The following CCDC60 variants were observed in gnomAD, a reference collection of about 807,000 sequenced individuals.
The protein encoded by CCDC60 is coiled-coil domain-containing protein 60.
CCDC60 carries 54 observed loss-of-function variants against 63.5 expected under a neutral mutation model. The observed-to-expected ratio is 0.85, with a 90% confidence interval of 0.68 to 1.07. The LOEUF (loss-of-function observed/expected upper bound fraction) is 1.07. Among genes scored for constraint, CCDC60 ranks in the 50% least tolerant of loss-of-function variants. CCDC60 has a pLI of 0.00. For missense variants in CCDC60, 651 were observed against 684.3 expected (o/e 0.95, Z 0.54); for synonymous variants, 206 against 238.8 (o/e 0.86, Z 1.27).
At chr12:119,507,610 A>ATTTTTTTTT (rs1352840585) in intron 7 of CCDC60, among the ~76,000 whole-genome samples, 1 of 34,734 alleles carries the variant, frequency 2.9e-5, no homozygotes, top group African/African-American at 1.0e-4. Context: ...ATATATATAT[A>ATTTTTTTTT]TATATTTTTT....
intron 4 of CCDC60, chr12:119,479,441 C>T (rs966689433): frequency 2.2e-5 from 11 of 489,980 alleles, no homozygotes; most frequent in Non-Finnish European, 3.7e-5. Flanking sequence ...AAGCCAGACG[C>T]TCTAATGTCA....
At chr12:119,382,494 G>A (rs778669734) in intron 1 of CCDC60, among the ~76,000 whole-genome samples, 13 of 152,316 alleles carry the variant, frequency 8.5e-5, no homozygotes, top group South Asian at 2.1e-4. Flanking sequence ...AAAAGTATTC[G>A]TAACAGGGGG....
At chr12:119,372,884 C>T (rs983779764) in intron 1 of CCDC60, among the ~76,000 whole-genome samples, 1 of 152,154 alleles carries the variant, frequency 6.6e-6, no homozygotes, top group Non-Finnish European at 1.5e-5. Flanking sequence ...ATTAGGAAAA[C>T]TCTAACAAGG....
intron 1 of CCDC60, among the ~76,000 whole-genome samples, chr12:119,393,292 T>C (rs540384874): frequency 4.7e-4 from 71 of 152,322 alleles, no homozygotes; most frequent in South Asian, 1.0e-3. Context: ...AAAGATTTCA[T>C]CGTGCAGGAA....
intron 5 of CCDC60, among the ~76,000 whole-genome samples, chr12:119,492,008 T>C (rs970523688): frequency 6.6e-5 from 10 of 152,190 alleles, no homozygotes; most frequent in African/African-American, 2.4e-4. Flanking sequence ...GAGTAGCAGA[T>C]GTTCTACCAT....
chr12:119,494,321 AAG>A (rs1379914495), intron 5 of CCDC60, among the ~76,000 whole-genome samples: 1 of 152,212 alleles, frequency 6.6e-6, no homozygotes, highest in Admixed American at 6.5e-5. Flanking sequence ...GAAGGGAGTG[AAG>A]AGTTACCTAC....
intron 11 of CCDC60, among the ~76,000 whole-genome samples, chr12:119,526,005 C>A (rs756284280): frequency 1.3e-5 from 2 of 152,164 alleles, no homozygotes; most frequent in Non-Finnish European, 2.9e-5. Flanking sequence ...CATCACCTGA[C>A]CTCAAACTAT....
intron 2 of CCDC60, among the ~76,000 whole-genome samples, chr12:119,460,953 C>T (rs1165297023): frequency 6.6e-6 from 1 of 152,130 alleles, no homozygotes; most frequent in Non-Finnish European, 1.5e-5. Context: ...AAACAAACAG[C>T]CCAGAGGTAC....
At chr12:119,465,207 G>A (rs1646299335) in intron 2 of CCDC60, among the ~76,000 whole-genome samples, 2 of 152,136 alleles carry the variant, frequency 1.3e-5, no homozygotes, top group Non-Finnish European at 2.9e-5. Context: ...CAGCTAGTCA[G>A]GAGGCTGAGG....
At chr12:119,368,085 A>T (rs916237910) in intron 1 of CCDC60, among the ~76,000 whole-genome samples, 7 of 135,578 alleles carry the variant, frequency 5.2e-5, no homozygotes, top group African/African-American at 1.9e-4. Context: ...AAGAAGGAGG[A>T]GGGGGAGGAG....
rs1952067951 is a variant in CCDC60, at chr12:119,507,577, TACACATATATATAC to T, written c.883+2276_883+2289del. ...ATATATATATATATATATGTATATA[TACACATATATATAC>T]ATATATATATATATATATATATATT... On this transcript the variant is annotated intron_variant, in intron 7 of 13. Transcript: ENST00000327554. Among the ~76,000 whole-genome samples the T allele has an allele frequency of 9.8e-5, 4 of 40,800 alleles. 1 individual carries two copies. The highest frequency in any genetic ancestry group is 4.0e-4 in the African/African-American group (2 of 4,980). 26.8% of individuals were successfully genotyped at this position (40,800 alleles called of 152,430 possible). A position where few individuals can be genotyped will look rare whatever the true frequency, so the allele number is the denominator to read the frequency against.
chr12:119,443,452 T>C (rs1219172903), intron 2 of CCDC60, among the ~76,000 whole-genome samples: 1 of 152,202 alleles, frequency 6.6e-6, no homozygotes, highest in Non-Finnish European at 1.5e-5. Flanking sequence ...AACACCTGTA[T>C]AGTTCTCAGG....
chr12:119,339,355 TC>T (rs1330600511), intron 1 of CCDC60, among the ~76,000 whole-genome samples: 1 of 152,230 alleles, frequency 6.6e-6, no homozygotes, highest in African/African-American at 2.4e-5. Context: ...AAGCTCTGTC[TC>T]TTAGTGTCTG....
chr12:119,430,755 C>G (rs184091205), intron 2 of CCDC60, among the ~76,000 whole-genome samples: 5 of 152,074 alleles, frequency 3.3e-5, no homozygotes, highest in African/African-American at 1.2e-4. Context: ...TCAGGAGAAA[C>G]CGACCCTGCT....
intron 1 of CCDC60, among the ~76,000 whole-genome samples, chr12:119,363,423 CTGTGTG>C (rs5801335): frequency 4.6e-5 from 7 of 150,550 alleles, no homozygotes; most frequent in African/African-American, 1.5e-4. Flanking sequence ...TATGAGTCCT[CTGTGTG>C]TGTGTGTGTG....
At chr12:119,345,881 G>A (rs377387248) in intron 1 of CCDC60, among the ~76,000 whole-genome samples, 17 of 151,604 alleles carry the variant, frequency 1.1e-4, no homozygotes, top group Admixed American at 5.3e-4. Context: ...GCAGTGGCGC[G>A]ATCTCAGCTC....
chr12:119,449,001 C>A (rs145775308), intron 2 of CCDC60, among the ~76,000 whole-genome samples: 1 of 152,208 alleles, frequency 6.6e-6, no homozygotes, highest in Non-Finnish European at 1.5e-5. Flanking sequence ...GGATTGCAGC[C>A]TGGTCAGCAT....
intron 2 of CCDC60, among the ~76,000 whole-genome samples, chr12:119,441,879 A>G (rs1368028795): frequency 6.6e-6 from 1 of 152,172 alleles, no homozygotes; most frequent in Non-Finnish European, 1.5e-5. Flanking sequence ...TGCTGAACAT[A>G]TGTACATACT....
chr12:119,383,374 C>T (rs896254273), intron 1 of CCDC60, among the ~76,000 whole-genome samples: 11 of 152,254 alleles, frequency 7.2e-5, no homozygotes, highest in African/African-American at 2.2e-4. Flanking sequence ...ATACCGACCA[C>T]ATGGTCCCAC....
Sources: gnomAD v4.1 joint callset for allele counts (sites outside exome capture counted in the v4.1 genomes callset) on GRCh38, gnomAD v4.1.1 for gene constraint, MANE v1.5 for transcripts, NCBI Gene and HGNC (gene_info 2026-07-23, HGNC 2026-07-21) for gene names.